MLIP: variants seen among roughly 807,000 people sequenced by gnomAD.
MLIP encodes the protein muscular LMNA-interacting protein.
MLIP carries 79 observed loss-of-function variants against 84.8 expected under a neutral mutation model. The observed-to-expected ratio is 0.93, with a 90% confidence interval of 0.78 to 1.12. MLIP has a LOEUF of 1.12. MLIP is among the 50% of genes most tolerant of loss of function. The pLI is 0.00. For synonymous variants in MLIP, 504 were observed against 463.0 expected (o/e 1.09, Z -1.14); for missense variants, 1,257 against 1,160.6 (o/e 1.08, Z -1.21).
chr6:54,221,766 A>G (rs1046912000), intron 11 of MLIP, among the ~76,000 whole-genome samples: 2 of 152,052 alleles, frequency 1.3e-5, no homozygotes, highest in African/African-American at 4.8e-5. Context: ...TCTAATTTAT[A>G]TATATTCAGA....
At chr6:54,181,287 A>ACC in intron 9 of MLIP, among the ~76,000 whole-genome samples, 2 of 152,032 alleles carry the variant, frequency 1.3e-5, no homozygotes, top group East Asian at 3.9e-4. Context: ...TGTGGCCACC[A>ACC]ACACCACCAG....
intron 1 of MLIP, among the ~76,000 whole-genome samples, chr6:54,102,605 A>G (rs1339367116): frequency 6.6e-6 from 1 of 152,156 alleles, no homozygotes; most frequent in Non-Finnish European, 1.5e-5. Flanking sequence ...AAGTGTTTAA[A>G]TCACTCTTAT....
At chr6:54,218,151 G>T (rs1779975471) in intron 11 of MLIP, 1 of 244,350 alleles carries the variant, frequency 4.1e-6, no homozygotes, top group South Asian at 1.6e-4. Flanking sequence ...GCATCATTAG[G>T]TGATTTTGTC....
chr6:54,146,364 G>C (rs978601582), intron 4 of MLIP, among the ~76,000 whole-genome samples: 1 of 152,114 alleles, frequency 6.6e-6, no homozygotes, highest in Non-Finnish European at 1.5e-5. Context: ...TCTATTAAAC[G>C]CTTTTTATAA....
intron 1 of MLIP, among the ~76,000 whole-genome samples, chr6:54,076,417 C>G (rs1165363703): frequency 1.3e-5 from 2 of 152,212 alleles, no homozygotes; most frequent in African/African-American, 4.8e-5. Flanking sequence ...TTGGTATCTT[C>G]ACTGCTCTTC....
intron 9 of MLIP, among the ~76,000 whole-genome samples, chr6:54,176,284 G>T (rs2792627): frequency 0.97 from 146,246 of 151,142 alleles, 70,911 homozygotes; most frequent in East Asian, 1. Flanking sequence ...TTGTTTGTTT[G>T]TTTTTTTGAA....
chr6:54,201,155 C>A (rs547466268), intron 10 of MLIP, among the ~76,000 whole-genome samples: 1 of 152,170 alleles, frequency 6.6e-6, no homozygotes. Flanking sequence ...TTTGAAATTA[C>A]CCCAAACTAG....
chr6:54,216,770 A>G, intron 11 of MLIP: 2 of 985,418 alleles, frequency 2.0e-6, no homozygotes, highest in Non-Finnish European at 2.4e-6. Context: ...TTGGGTTTCT[A>G]AGCAAGAAGA....
chr6:54,214,482 T>G (rs1475325369), intron 11 of MLIP, among the ~76,000 whole-genome samples: 1 of 152,214 alleles, frequency 6.6e-6, no homozygotes, highest in Non-Finnish European at 1.5e-5. Context: ...TGCCTAGTCC[T>G]ATTGAGACTT....
At chr6:54,121,415 G>A in intron 1 of MLIP, 32 bp from the exon 2 acceptor site, 2 of 1,608,538 alleles carry the variant, frequency 1.2e-6, no homozygotes, top group Non-Finnish European at 1.7e-6. Context: ...CTTTGACAAG[G>A]CTGAAAGTCT....
chr6:54,237,177 G>T (rs913308981), intron 12 of MLIP, among the ~76,000 whole-genome samples: 2 of 151,814 alleles, frequency 1.3e-5, no homozygotes, highest in African/African-American at 2.4e-5. Context: ...ATCTGGTAAA[G>T]GGTGTGTGAG....
intron 10 of MLIP, 147 bp from the exon 11 acceptor site, chr6:54,201,958 T>C: frequency 3.9e-6 from 2 of 510,622 alleles, no homozygotes; most frequent in Non-Finnish European, 6.1e-6. Flanking sequence ...CTTCAGGCTG[T>C]TTTTATGCAT....
chr6:54,043,966 A>C (rs1342360065), intron 1 of MLIP, among the ~76,000 whole-genome samples: 1 of 152,210 alleles, frequency 6.6e-6, no homozygotes, highest in Non-Finnish European at 1.5e-5. Context: ...CTGTGGAACC[A>C]AGACGAGTCA....
At chr6:54,050,502 T>G (rs1765314831) in intron 1 of MLIP, among the ~76,000 whole-genome samples, 1 of 152,184 alleles carries the variant, frequency 6.6e-6, no homozygotes, top group Non-Finnish European at 1.5e-5. Flanking sequence ...ACAATGTTAA[T>G]TTGTCTGGAT....
Position 54,054,134 on chromosome 6 carries a change from CT to C in MLIP, c.63+35045del, listed in dbSNP as rs1561895545. ...CAAAAACACCAAAGTGGTGAAAGTTCTTAGCAACCCATTAAAAAGGCTCTCT... is the reference window on the plus strand; with the variant it reads ...CAAAAACACCAAAGTGGTGAAAGTTCTAGCAACCCATTAAAAAGGCTCTCT... On this transcript the variant is annotated intron_variant, in intron 1 of 12. Transcript: ENST00000274897. 2.0e-5 allele frequency among the ~76,000 whole-genome samples: 3 copies of C among 152,084 alleles called. No homozygotes were observed. In the South Asian group the frequency reaches 6.2e-4, roughly 32 times the overall value.
chr6:54,120,570 A>G (rs1227253818), intron 1 of MLIP, among the ~76,000 whole-genome samples: 1 of 152,082 alleles, frequency 6.6e-6, no homozygotes, highest in Admixed American at 6.5e-5. Context: ...GATTTTATCT[A>G]TCTACAATTC....
At chr6:54,239,325 C>A (rs565556032) in intron 12 of MLIP, among the ~76,000 whole-genome samples, 31 of 145,128 alleles carry the variant, frequency 2.1e-4, no homozygotes, top group Non-Finnish European at 4.0e-4. Flanking sequence ...TGTAGATGAT[C>A]ATGTGTTCTG....
chr6:54,236,854 A>C (rs1366429513), intron 12 of MLIP, among the ~76,000 whole-genome samples: 1 of 152,142 alleles, frequency 6.6e-6, no homozygotes, highest in Non-Finnish European at 1.5e-5. Flanking sequence ...TGAATTAATA[A>C]TATATTAAAT....
intron 13 of MLIP, among the ~76,000 whole-genome samples, chr6:54,264,554 G>A (rs1347843514): frequency 2.0e-5 from 3 of 152,080 alleles, no homozygotes; most frequent in African/African-American, 7.2e-5. Context: ...TGTATGTAAA[G>A]TGCTTAGCAT....
Sources: gnomAD v4.1 joint callset for allele counts (sites outside exome capture counted in the v4.1 genomes callset) on GRCh38, gnomAD v4.1.1 for gene constraint, MANE v1.5 for transcripts, NCBI Gene and HGNC (gene_info 2026-07-23, HGNC 2026-07-21) for gene names.